Variants in LRMDA observed in about 807,000 individuals in gnomAD.
LRMDA encodes leucine rich melanocyte differentiation associated.
In LRMDA, 18 loss-of-function variants were observed where a neutral mutation model predicts 29.8. The observed-to-expected ratio is 0.60, with a 90% confidence interval of 0.42 to 0.90. The LOEUF (loss-of-function observed/expected upper bound fraction) is 0.90. LRMDA is among the 40% of genes least tolerant of loss of function. LRMDA has a pLI of 0.00. For missense variants in LRMDA, 273 were observed against 273.9 expected, an observed-to-expected ratio of 1.00 and a Z score of 0.02; for synonymous variants, 125 against 109.4, an observed-to-expected ratio of 1.14 and a Z score of -0.89.
chr10:76,083,912 C>T (rs992504250), intron 5 of LRMDA, among the ~76,000 whole-genome samples: 4 of 151,916 alleles, frequency 2.6e-5, no homozygotes, highest in Admixed American at 1.3e-4. Flanking sequence ...GTTTGTTTCC[C>T]AAGCTCATTT....
intron 2 of LRMDA, among the ~76,000 whole-genome samples, chr10:75,925,068 G>A (rs1846096925): frequency 6.6e-6 from 1 of 152,170 alleles, no homozygotes; most frequent in Non-Finnish European, 1.5e-5. Context: ...ATCGGAGTAT[G>A]CAGTCCATTC....
intron 6 of LRMDA, among the ~76,000 whole-genome samples, chr10:76,410,893 C>G (rs1430611516): frequency 6.6e-6 from 1 of 152,038 alleles, no homozygotes; most frequent in Admixed American, 6.6e-5. Context: ...CTGCAGTGAG[C>G]CGAGATCGCA....
intron 2 of LRMDA, among the ~76,000 whole-genome samples, chr10:75,443,194 A>G (rs552650466): frequency 1.7e-4 from 26 of 152,040 alleles, no homozygotes; most frequent in African/African-American, 6.3e-4. Context: ...AATGCCTCCT[A>G]TTTCTTTTTT....
rs1220548697 is a variant in LRMDA, at chr10:76,052,068, C to T, written c.398+4765C>T. Among the ~76,000 whole-genome samples the T allele has an allele frequency of 2.6e-5, 4 of 152,168 alleles. No homozygotes were observed. In the East Asian group the frequency reaches 7.7e-4, roughly 29 times the overall value. Reference sequence around the variant, plus strand: ...AAGCATGATGTTTTGTTGACGGACTCATCTATCCCATCAAGCTTTGTGAAA... The same window carrying T: ...AAGCATGATGTTTTGTTGACGGACTTATCTATCCCATCAAGCTTTGTGAAA... On this transcript the variant is annotated intron_variant, in intron 4 of 6. Coordinates refer to ENST00000611255, the MANE Select transcript of LRMDA (RefSeq NM_001305581.2).
At chr10:75,470,785 C>T (rs1844716907) in intron 2 of LRMDA, among the ~76,000 whole-genome samples, 1 of 152,174 alleles carries the variant, frequency 6.6e-6, no homozygotes, top group Admixed American at 6.5e-5. Context: ...GTTGTGGGGT[C>T]CTCTCCGAGG....
chr10:76,262,224 T>C (rs146754578), intron 5 of LRMDA, among the ~76,000 whole-genome samples: 1 of 152,258 alleles, frequency 6.6e-6, no homozygotes, highest in East Asian at 1.9e-4. Context: ...TGAGACTCCA[T>C]TTCTTAAAGT....
chr10:75,552,340 G>A, intron 2 of LRMDA: 1 of 172,650 alleles, frequency 5.8e-6, no homozygotes, highest in Admixed American at 6.2e-5. Flanking sequence ...TGCTTTAATG[G>A]TGTCACTCCA....
chr10:76,339,705 A>C (rs949496524), intron 6 of LRMDA, among the ~76,000 whole-genome samples: 3 of 151,964 alleles, frequency 2.0e-5, no homozygotes, highest in Non-Finnish European at 4.4e-5. Flanking sequence ...GACAAAAAAA[A>C]CCCCACAAAG....
At chr10:76,351,674 C>T (rs1333960483) in intron 6 of LRMDA, among the ~76,000 whole-genome samples, 1 of 151,280 alleles carries the variant, frequency 6.6e-6, no homozygotes, top group Non-Finnish European at 1.5e-5. Context: ...CACTAATCCT[C>T]AACAAGCCCC....
chr10:76,109,851 T>G (rs1303367041), intron 5 of LRMDA, among the ~76,000 whole-genome samples: 1 of 152,206 alleles, frequency 6.6e-6, no homozygotes, highest in African/African-American at 2.4e-5. Context: ...TATGTGGCTT[T>G]TGACCACCTC....
At chr10:75,814,249 A>G (rs1381084505) in intron 2 of LRMDA, among the ~76,000 whole-genome samples, 8 of 152,184 alleles carry the variant, frequency 5.3e-5, no homozygotes, top group Admixed American at 2.6e-4. Flanking sequence ...CTTCATAGGC[A>G]TGAGTCACTA....
intron 2 of LRMDA, among the ~76,000 whole-genome samples, chr10:75,518,033 C>A (rs1845313401): frequency 6.6e-6 from 1 of 152,202 alleles, no homozygotes; most frequent in Non-Finnish European, 1.5e-5. Context: ...ACCAGCCTTG[C>A]ATCCCAGGGA....
chr10:76,411,199 G>A (rs1375512240), intron 6 of LRMDA, among the ~76,000 whole-genome samples: 3 of 152,158 alleles, frequency 2.0e-5, no homozygotes, highest in Non-Finnish European at 4.4e-5. Context: ...ACTTGTCAGC[G>A]TCACTTGCAG....
At chr10:76,071,714 A>C (rs931714340) in intron 5 of LRMDA, among the ~76,000 whole-genome samples, 4 of 152,226 alleles carry the variant, frequency 2.6e-5, no homozygotes, top group African/African-American at 9.6e-5. Flanking sequence ...GTGTAGGCCA[A>C]ACGCTCTCTT....
intron 5 of LRMDA, among the ~76,000 whole-genome samples, chr10:76,177,077 G>A (rs1166365770): frequency 2.6e-5 from 4 of 152,126 alleles, no homozygotes; most frequent in Non-Finnish European, 5.9e-5. Flanking sequence ...GGAGGCCAAG[G>A]GGAAAAGCAC....
chr10:75,742,148 C>T (rs1842837680), intron 2 of LRMDA, among the ~76,000 whole-genome samples: 2 of 152,286 alleles, frequency 1.3e-5, no homozygotes, highest in African/African-American at 4.8e-5. Flanking sequence ...GCATTATAGG[C>T]AGGAAGTAAA....
At chr10:76,410,871 T>C (rs1026392885) in intron 6 of LRMDA, among the ~76,000 whole-genome samples, 1 of 151,984 alleles carries the variant, frequency 6.6e-6, no homozygotes, top group Non-Finnish European at 1.5e-5. Flanking sequence ...GCTTGAACCC[T>C]GGAGGCAGAG....
At chr10:75,891,400 G>A (rs1845488792) in intron 2 of LRMDA, among the ~76,000 whole-genome samples, 1 of 152,194 alleles carries the variant, frequency 6.6e-6, no homozygotes, top group Non-Finnish European at 1.5e-5. Context: ...CATTTTCAGA[G>A]GAGACCTGAG....
chr10:75,914,144 T>C (rs1185235251), intron 2 of LRMDA, among the ~76,000 whole-genome samples: 2 of 152,348 alleles, frequency 1.3e-5, no homozygotes, highest in African/African-American at 4.8e-5. Context: ...GATTTTTTTT[T>C]CCTCCTTCTT....
Sources: allele counts gnomAD v4.1 joint callset (sites outside exome capture counted in the v4.1 genomes callset), GRCh38; gene constraint gnomAD v4.1.1; transcripts MANE v1.5; gene names NCBI Gene and HGNC (gene_info 2026-07-23, HGNC 2026-07-21).